Variants in GPR158 observed in about 807,000 individuals in gnomAD.
GPR158 encodes metabotropic glycine receptor.
Under a neutral mutation model 78.2 loss-of-function variants are expected in GPR158, and 30 were observed. The observed-to-expected ratio is 0.38, with a 90% CI of 0.29 to 0.52. The LOEUF (loss-of-function observed/expected upper bound fraction) is 0.52. GPR158 is among the 20% of genes least tolerant of loss of function. The probability of loss-of-function intolerance (pLI) is 0.83; values close to 1 mark genes in which losing one functional copy is unlikely to be tolerated. For missense variants in GPR158, 1,463 were observed against 1,523.5 expected, an observed-to-expected ratio of 0.96 and a Z score of 0.66; for synonymous variants, 581 against 591.1, an observed-to-expected ratio of 0.98 and a Z score of 0.25.
chr10:25,209,708 T>C (rs1853101321), intron 1 of GPR158, among the ~76,000 whole-genome samples: 1 of 152,254 alleles, frequency 6.6e-6, no homozygotes, highest in East Asian at 1.9e-4. Context: ...ACCCCGGCTT[T>C]GTTTACTCAG....
At chr10:25,302,123 G>A (rs1053905181) in intron 2 of GPR158, among the ~76,000 whole-genome samples, 1 of 148,418 alleles carries the variant, frequency 6.7e-6, no homozygotes, top group Non-Finnish European at 1.5e-5. Context: ...CCAGGCTGGA[G>A]TGCAGTGGTG....
At chr10:25,592,786 C>T (rs977573316) in intron 8 of GPR158, among the ~76,000 whole-genome samples, 1 of 151,544 alleles carries the variant, frequency 6.6e-6, no homozygotes, top group Non-Finnish European at 1.5e-5. Flanking sequence ...ACTTTCTGCT[C>T]CAATACTGGA....
chr10:25,507,638 C>T (rs572057208), intron 5 of GPR158, among the ~76,000 whole-genome samples: 1 of 152,274 alleles, frequency 6.6e-6, no homozygotes, highest in African/African-American at 2.4e-5. Context: ...AATACTGTAT[C>T]AGGGAAAATC....
chr10:25,501,137 C>T (rs1835941897), intron 5 of GPR158, among the ~76,000 whole-genome samples: 1 of 152,116 alleles, frequency 6.6e-6, no homozygotes, highest in African/African-American at 2.4e-5. Context: ...TAGGAGAAAT[C>T]CCCCGGGTCA....
At chr10:25,368,847 G>C (rs920927663) in intron 2 of GPR158, among the ~76,000 whole-genome samples, 9 of 144,148 alleles carry the variant, frequency 6.2e-5, no homozygotes, top group Admixed American at 1.4e-4. Flanking sequence ...TTATTTCCTT[G>C]AGCAGTGGTT....
chr10:25,502,448 G>A (rs1835954652), intron 5 of GPR158, among the ~76,000 whole-genome samples: 1 of 152,126 alleles, frequency 6.6e-6, no homozygotes, highest in Admixed American at 6.5e-5. Flanking sequence ...CACATTCACA[G>A]AGCTGCCCTG....
At chr10:25,541,898 G>A (rs1836590921) in intron 5 of GPR158, among the ~76,000 whole-genome samples, 1 of 145,922 alleles carries the variant, frequency 6.9e-6, no homozygotes, top group Admixed American at 6.8e-5. Flanking sequence ...ATTTGACTAG[G>A]AAGCAGGGGG....
At chr10:25,232,445 C>G (rs1434471445) in intron 2 of GPR158, among the ~76,000 whole-genome samples, 1 of 152,186 alleles carries the variant, frequency 6.6e-6, no homozygotes, top group Non-Finnish European at 1.5e-5. Flanking sequence ...AGTGAAGAAT[C>G]ATGTTGCTTA....
rs539478594 is a variant in GPR158, at chr10:25,266,182, T to C, written c.1008+45025T>C. Reference sequence around the variant, plus strand: ...ATCTTGCTCTGACCTTAAGTTTCTTTGTTAGAGGTTTTCATAGAACTGGGT... The same window carrying C: ...ATCTTGCTCTGACCTTAAGTTTCTTCGTTAGAGGTTTTCATAGAACTGGGT... On this transcript the variant is annotated intron_variant, in intron 2 of 10. Transcript: ENST00000376351. Among the ~76,000 whole-genome samples, 6 of 152,334 alleles carry C rather than the reference T, an allele frequency of 3.9e-5. No individual in the cohort carries two copies. The South Asian group carries it at 1.2e-3, about 32-fold the overall frequency.
At chr10:25,334,978 C>T (rs1855177455) in intron 2 of GPR158, among the ~76,000 whole-genome samples, 1 of 151,998 alleles carries the variant, frequency 6.6e-6, no homozygotes, top group African/African-American at 2.4e-5. Context: ...AAAAGGATCT[C>T]ATAGTGAATG....
chr10:25,248,670 C>T (rs1197031835), intron 2 of GPR158, among the ~76,000 whole-genome samples: 2 of 151,058 alleles, frequency 1.3e-5, no homozygotes, highest in East Asian at 1.9e-4. Context: ...TTCCATTGAT[C>T]TATATCTCTG....
chr10:25,438,022 G>T (rs1256604353), intron 4 of GPR158, among the ~76,000 whole-genome samples: 1 of 152,204 alleles, frequency 6.6e-6, no homozygotes, highest in Admixed American at 6.5e-5. Context: ...CTGAGTGCAG[G>T]TGGAGCTATT....
At chr10:25,469,783 CAAAA>C (rs34432893) in intron 5 of GPR158, among the ~76,000 whole-genome samples, 154 of 47,354 alleles carry the variant, frequency 3.3e-3, no homozygotes, top group African/African-American at 9.8e-3. Flanking sequence ...GACTCCATCT[CAAAA>C]AAAAAAAAAA....
intron 4 of GPR158, among the ~76,000 whole-genome samples, chr10:25,424,638 G>A (rs1588856949): frequency 1.3e-5 from 2 of 151,790 alleles, no homozygotes; most frequent in African/African-American, 2.4e-5. Flanking sequence ...TATTAAATAG[G>A]GAATCCTTTC....
intron 2 of GPR158, among the ~76,000 whole-genome samples, chr10:25,241,001 T>G (rs917083753): frequency 6.6e-6 from 1 of 152,166 alleles, no homozygotes; most frequent in South Asian, 2.1e-4. Context: ...TTGAGGAAAG[T>G]GGTGATTTCT....
At chr10:25,316,708 T>A (rs1854855322) in intron 2 of GPR158, among the ~76,000 whole-genome samples, 1 of 152,186 alleles carries the variant, frequency 6.6e-6, no homozygotes, top group African/African-American at 2.4e-5. Flanking sequence ...TTTCAACAGA[T>A]GTTATATATT....
At chr10:25,212,199 G>T (rs1017391358) in intron 1 of GPR158, among the ~76,000 whole-genome samples, 2 of 152,172 alleles carry the variant, frequency 1.3e-5, no homozygotes, top group African/African-American at 2.4e-5. Context: ...ACGAAAAGAG[G>T]TTTAACTGGC....
In GPR158 at chr10:25,370,365, G is replaced by T. The variant is rs915790832; in HGVS notation, c.1009-25546G>T. On this transcript the variant is annotated intron_variant, in intron 2 of 10. Transcript: ENST00000376351. ...TGCGTCCCAGAGATCCTGGTATGTT[G>T]TGTCTTTGTTCTCGTTGGTTTCAAA... Among the ~76,000 whole-genome samples the T allele has an allele frequency of 2.2e-5, 3 of 136,384 alleles. No individual in the cohort carries two copies. In the Admixed American group the frequency reaches 2.2e-4, roughly 10 times the overall value. The allele number at this position is 136,384 out of a possible 152,430, so 89.5% of individuals were successfully genotyped here. A position where few individuals can be genotyped will look rare whatever the true frequency, so the allele number is the denominator to read the frequency against.
chr10:25,521,226 C>A (rs1027085958), intron 5 of GPR158, among the ~76,000 whole-genome samples: 2 of 152,202 alleles, frequency 1.3e-5, no homozygotes, highest in African/African-American at 4.8e-5. Flanking sequence ...CTTCGGCTCG[C>A]GCACGGTGCA....
Sources: allele counts gnomAD v4.1 joint callset (sites outside exome capture counted in the v4.1 genomes callset), GRCh38; gene constraint gnomAD v4.1.1; transcripts MANE v1.5; gene names NCBI Gene and HGNC (gene_info 2026-07-23, HGNC 2026-07-21).